The following SLC35F3 variants were observed in gnomAD, a reference collection of about 807,000 sequenced individuals.
The protein encoded by SLC35F3 is solute carrier family 35 member F3.
SLC35F3 carries 25 observed loss-of-function variants against 49.9 expected under a neutral mutation model. The observed-to-expected ratio is 0.50, with a 90% CI of 0.37 to 0.70. SLC35F3 has a LOEUF of 0.70. SLC35F3 is among the 30% of genes least tolerant of loss of function. The probability of loss-of-function intolerance (pLI) is 0.00; values close to 1 mark genes in which losing one functional copy is unlikely to be tolerated. For synonymous variants in SLC35F3, 275 were observed against 265.4 expected, an observed-to-expected ratio of 1.04 and a Z score of -0.35; for missense variants, 525 against 639.8, an observed-to-expected ratio of 0.82 and a Z score of 1.94.
chr1:234,158,441 TTTA>T (rs149404066), intron 2 of SLC35F3, among the ~76,000 whole-genome samples: 20,592 of 152,172 alleles, frequency 0.14, 4,403 homozygotes, highest in African/African-American at 0.46. Context: ...TCTATAATAC[TTTA>T]TTATTTCTTC....
intron 2 of SLC35F3, among the ~76,000 whole-genome samples, chr1:234,057,955 C>T (rs1664480030): frequency 6.6e-6 from 1 of 152,118 alleles, no homozygotes; most frequent in African/African-American, 2.4e-5. Context: ...GATCCACCCG[C>T]CTCAGCTACC....
intron 2 of SLC35F3, among the ~76,000 whole-genome samples, chr1:234,048,767 G>T (rs1432286623): frequency 4.0e-5 from 6 of 151,626 alleles, no homozygotes; most frequent in Non-Finnish European, 7.4e-5. Flanking sequence ...AGAAGGTAAG[G>T]TAGAGCCCAG....
intron 2 of SLC35F3, among the ~76,000 whole-genome samples, chr1:234,138,506 T>C (rs1665842817): frequency 6.6e-6 from 1 of 152,186 alleles, no homozygotes; most frequent in Non-Finnish European, 1.5e-5. Context: ...TTTCAATTTA[T>C]GTGGATTTGG....
At chr1:234,168,152 T>G (rs540376008) in intron 2 of SLC35F3, among the ~76,000 whole-genome samples, 1 of 152,348 alleles carries the variant, frequency 6.6e-6, no homozygotes, top group East Asian at 1.9e-4. Flanking sequence ...CAAGCTGTGC[T>G]TCACTTGAGC....
At chr1:233,954,222 G>A (rs1252976243) in intron 2 of SLC35F3, among the ~76,000 whole-genome samples, 1 of 152,188 alleles carries the variant, frequency 6.6e-6, no homozygotes, top group Non-Finnish European at 1.5e-5. Context: ...TAGCCAGGAT[G>A]GTCTCCATCT....
intron 2 of SLC35F3, among the ~76,000 whole-genome samples, chr1:233,919,755 C>T (rs544119208): frequency 3.9e-5 from 6 of 152,270 alleles, no homozygotes; most frequent in African/African-American, 1.2e-4. Context: ...TCCTTCCCCC[C>T]GGCTACCAAG....
intron 2 of SLC35F3, among the ~76,000 whole-genome samples, chr1:234,166,334 A>G (rs1666318073): frequency 6.6e-6 from 1 of 152,200 alleles, no homozygotes; most frequent in African/African-American, 2.4e-5. Context: ...CCCAGAGTCC[A>G]TAGTTTATAT....
intron 2 of SLC35F3, among the ~76,000 whole-genome samples, chr1:234,069,186 TTA>T (rs1245601102): frequency 7.2e-6 from 1 of 139,178 alleles, no homozygotes; most frequent in Admixed American, 7.6e-5. Flanking sequence ...ATATAAAATT[TTA>T]TATATAAATA....
chr1:234,001,376 G>C (rs781357857), intron 2 of SLC35F3, among the ~76,000 whole-genome samples: 6 of 152,200 alleles, frequency 3.9e-5, no homozygotes, highest in Non-Finnish European at 5.9e-5. Flanking sequence ...TGAGGCAATA[G>C]TGGTTGCTGT....
chr1:234,032,021 C>T (rs373704216), intron 2 of SLC35F3, among the ~76,000 whole-genome samples: 1 of 152,154 alleles, frequency 6.6e-6, no homozygotes, highest in East Asian at 1.9e-4. Flanking sequence ...CTGAAGGCAA[C>T]CTGTTTTAGT....
chr1:234,297,743 CA>C (rs57703297), intron 3 of SLC35F3, among the ~76,000 whole-genome samples: 2,922 of 124,366 alleles, frequency 0.023, 113 homozygotes, highest in East Asian at 0.13. Context: ...TACCCTGTCT[CA>C]AAAAAAAAAA....
At chr1:234,102,749 G>A (rs1010600844) in intron 2 of SLC35F3, among the ~76,000 whole-genome samples, 3 of 152,178 alleles carry the variant, frequency 2.0e-5, no homozygotes, top group Admixed American at 6.5e-5. Flanking sequence ...ACAAGCACAA[G>A]AGTCTAGCTG....
chr1:234,216,437 C>T (rs1408352793), intron 2 of SLC35F3, among the ~76,000 whole-genome samples: 4 of 152,154 alleles, frequency 2.6e-5, no homozygotes, highest in South Asian at 2.1e-4. Context: ...GAGTGGCATG[C>T]GAGGCACAGG....
chr1:234,038,408 G>A (rs1047927248), intron 2 of SLC35F3, among the ~76,000 whole-genome samples: 1 of 151,176 alleles, frequency 6.6e-6, no homozygotes, highest in Non-Finnish European at 1.5e-5. Context: ...ATTGTGAATA[G>A]TGCCACAATA....
intron 2 of SLC35F3, among the ~76,000 whole-genome samples, chr1:234,118,649 A>C (rs1276017881): frequency 6.6e-6 from 1 of 152,154 alleles, no homozygotes; most frequent in East Asian, 1.9e-4. Context: ...TCCTGGCTCT[A>C]TGTGATTCAT....
chr1:234,092,898 A>G (rs941041680), intron 2 of SLC35F3, among the ~76,000 whole-genome samples: 1 of 152,166 alleles, frequency 6.6e-6, no homozygotes, highest in African/African-American at 2.4e-5. Context: ...AAAGATAAAT[A>G]AAATAAAGAT....
chr1:233,904,956 C>G lies in SLC35F3; in HGVS notation c.-122C>G, dbSNP rs573158431. On this transcript the variant is annotated 5_prime_UTR_variant, in exon 1 of 8. Transcript: ENST00000366618. ...ACAAAGCGGCCCGGGGCGGCCGGCGCGGCGCAGACCCTCGGTGGGCAGCGC... is the reference window on the plus strand; with the variant it reads ...ACAAAGCGGCCCGGGGCGGCCGGCGGGGCGCAGACCCTCGGTGGGCAGCGC... 2.6e-6 allele frequency: 3 copies of G among 1,132,166 alleles called. No individual in the cohort carries two copies. Among genetic ancestry groups the G allele is most frequent in the Admixed American group, 5.8e-5 (2 of 34,446 alleles). The allele number at this position is 1,132,166 out of a possible 1,614,324, so 70.1% of individuals were successfully genotyped here.
intron 2 of SLC35F3, among the ~76,000 whole-genome samples, chr1:234,161,366 G>T (rs1666224823): frequency 6.6e-6 from 1 of 152,014 alleles, no homozygotes; most frequent in African/African-American, 2.4e-5. Context: ...CTGTCTTTCT[G>T]CAGAGGTTGA....
At chr1:234,288,907 A>G (rs1346336586) in intron 3 of SLC35F3, among the ~76,000 whole-genome samples, 1 of 152,210 alleles carries the variant, frequency 6.6e-6, no homozygotes, top group Non-Finnish European at 1.5e-5. Context: ...TCCAAAGGGT[A>G]TAGCTTGAAT....
Sources: gnomAD v4.1 joint callset for allele counts (sites outside exome capture counted in the v4.1 genomes callset) on GRCh38, gnomAD v4.1.1 for gene constraint, MANE v1.5 for transcripts, NCBI Gene and HGNC (gene_info 2026-07-23, HGNC 2026-07-21) for gene names.